Variants in VPS37A observed in about 807,000 individuals in gnomAD.
The protein encoded by VPS37A is VPS37A subunit of ESCRT-I.
In VPS37A, 30 loss-of-function variants were observed where a neutral mutation model predicts 49.8. That is an observed-to-expected ratio of 0.60 (90% CI 0.45 to 0.82). The LOEUF is 0.82. Among genes scored for constraint, VPS37A ranks in the 40% least tolerant of loss-of-function variants. VPS37A has a pLI of 0.00. For synonymous variants in VPS37A, 195 were observed against 160.6 expected, an observed-to-expected ratio of 1.21 and a Z score of -1.62; for missense variants, 593 against 464.4, an observed-to-expected ratio of 1.28 and a Z score of -2.55.
intron 11 of VPS37A, among the ~76,000 whole-genome samples, chr8:17,287,728 A>G (rs1815746182): frequency 6.6e-6 from 1 of 152,124 alleles, no homozygotes; most frequent in African/African-American, 2.4e-5. Flanking sequence ...ATTCCTGATT[A>G]TATCATCTGA....
the VPS37A span, among the ~76,000 whole-genome samples, chr8:17,320,182 G>C: frequency 6.6e-6 from 1 of 151,690 alleles, no homozygotes; most frequent in Non-Finnish European, 1.5e-5. Flanking sequence ...CTTTTAATGT[G>C]GCCACCAGAA....
rs111708334 is a variant in VPS37A, at chr8:17,265,286, A to G, written c.126-621A>G. 2.9e-3 allele frequency among the ~76,000 whole-genome samples: 443 copies of G among 152,310 alleles called. 2 individuals carry two copies. Among genetic ancestry groups the G allele is most frequent in the African/African-American group, 9.9e-3 (411 of 41,574 alleles). On this transcript the variant is annotated intron_variant, in intron 1 of 11. Transcript: ENST00000324849. ...TTTGTTCCCTTTAAGATATTTTCCT[A>G]CAATTTCTCCCTACAACTTTCCTGT...
the VPS37A span, among the ~76,000 whole-genome samples, chr8:17,315,686 C>A: frequency 1.3e-5 from 2 of 152,054 alleles, no homozygotes; most frequent in African/African-American, 2.4e-5. Context: ...TTGGCCACAA[C>A]TGCTCCAGAT....
chr8:17,283,454 C>G lies in VPS37A; in HGVS notation c.970-1019C>G, dbSNP rs186197702. On this transcript the variant is annotated intron_variant, in intron 9 of 11. Coordinates refer to ENST00000324849, the MANE Select transcript of VPS37A (RefSeq NM_152415.3). Reference sequence around the variant, plus strand: ...TACAGGCATGAGCCACCACGTCAAGCAGGATAGCTATTATTAAAAAATCAT... The same window carrying G: ...TACAGGCATGAGCCACCACGTCAAGGAGGATAGCTATTATTAAAAAATCAT... 2.2e-4 allele frequency among the ~76,000 whole-genome samples: 34 copies of G among 152,314 alleles called. No homozygotes were observed. In the South Asian group the frequency reaches 3.1e-3, roughly 14 times the overall value.
Position 17,280,178 on chromosome 8 carries a change from G to A in VPS37A, c.841+23G>A, listed in dbSNP as rs3213601. On this transcript the variant is annotated intron_variant, in intron 7 of 11. Transcript: ENST00000324849. ...CAAGTATGTTTTCCCTCTCCTGAGC[G>A]CACATTTCCTGAAAAAAATCTCATC... is the stretch of plus-strand genomic sequence containing the variant. The A allele has an allele frequency of 0.48, 767,068 of 1,610,246 alleles. 193,627 individuals carry two copies. Among genetic ancestry groups the A allele is most frequent in the Non-Finnish European group, 0.53 (620,029 of 1,178,430 alleles).
chr8:17,302,223 AACTG>A (rs781254375), downstream of VPS37A: 1 of 1,614,124 alleles, frequency 6.2e-7, no homozygotes, highest in Non-Finnish European at 8.5e-7. Flanking sequence ...GGTAATCTGT[AACTG>A]ACTGTCGGGG....
intron 10 of VPS37A, among the ~76,000 whole-genome samples, chr8:17,285,686 G>C (rs954282076): frequency 2.6e-5 from 4 of 152,074 alleles, no homozygotes; most frequent in African/African-American, 9.7e-5. Context: ...ACTTACTTAT[G>C]GTTATAGTGT....
chr8:17,332,188 C>A, the VPS37A span, among the ~76,000 whole-genome samples: 1 of 151,908 alleles, frequency 6.6e-6, no homozygotes, highest in Non-Finnish European at 1.5e-5. Context: ...AGGGCTAACC[C>A]AGGCAGAGAA....
chr8:17,275,299 A>C (rs1814417637), intron 5 of VPS37A, among the ~76,000 whole-genome samples: 1 of 152,124 alleles, frequency 6.6e-6, no homozygotes, highest in Non-Finnish European at 1.5e-5. Flanking sequence ...TATACTGATG[A>C]ATATAGTGGG....
chr8:17,331,056 T>C, the VPS37A span: 6 of 1,437,740 alleles, frequency 4.2e-6, no homozygotes, highest in Admixed American at 2.3e-5. Context: ...ATCACACCTA[T>C]GTAAAAACAT....
chr8:17,308,542 C>T, the VPS37A span, among the ~76,000 whole-genome samples: 2 of 152,164 alleles, frequency 1.3e-5, no homozygotes, highest in African/African-American at 4.8e-5. Context: ...AGTAAAACTT[C>T]TGAAAATATA....
At chr8:17,253,482 G>A (rs982159456) in intron 1 of VPS37A, among the ~76,000 whole-genome samples, 2 of 152,168 alleles carry the variant, frequency 1.3e-5, no homozygotes, top group African/African-American at 2.4e-5. Context: ...TGTGACTGGT[G>A]GAAAGATATC....
the VPS37A span, among the ~76,000 whole-genome samples, chr8:17,314,581 G>A: frequency 3.9e-5 from 6 of 152,064 alleles, no homozygotes; most frequent in South Asian, 1.0e-3. Flanking sequence ...GCAGATAAGA[G>A]GATTCACTGT....
intron 11 of VPS37A, among the ~76,000 whole-genome samples, chr8:17,289,057 G>T (rs1180075245): frequency 1.3e-5 from 2 of 152,016 alleles, no homozygotes; most frequent in South Asian, 4.1e-4. Flanking sequence ...TTTTGATAGG[G>T]TTGTATTTTT....
the VPS37A span, among the ~76,000 whole-genome samples, chr8:17,317,736 T>C: frequency 6.6e-6 from 1 of 152,324 alleles, no homozygotes; most frequent in East Asian, 1.9e-4. Flanking sequence ...AGAGATTGTC[T>C]AAGGATCTGC....
intron 9 of VPS37A, among the ~76,000 whole-genome samples, chr8:17,282,087 A>G (rs901722347): frequency 1.3e-5 from 2 of 152,044 alleles, no homozygotes; most frequent in African/African-American, 4.8e-5. Context: ...GTAGTCAGGA[A>G]GAGCTTGAAC....
At chr8:17,266,803 T>G (rs1813504188) in intron 2 of VPS37A, among the ~76,000 whole-genome samples, 1 of 152,148 alleles carries the variant, frequency 6.6e-6, no homozygotes, top group South Asian at 2.1e-4. Context: ...AGACGGAGCC[T>G]CCCTCTGTCG....
chr8:17,327,033 A>T, the VPS37A span, among the ~76,000 whole-genome samples: 3 of 152,212 alleles, frequency 2.0e-5, no homozygotes, highest in East Asian at 5.8e-4. Context: ...CATATGATTT[A>T]CTGTATAGTG....
intron 7 of VPS37A, 42 bp downstream of exon 7, chr8:17,280,197 T>A: frequency 1.2e-6 from 2 of 1,610,910 alleles, no homozygotes; most frequent in Non-Finnish European, 1.7e-6. Flanking sequence ...CTGAAAAAAA[T>A]CTCATCTTTA....
Sources: allele counts gnomAD v4.1 joint callset (sites outside exome capture counted in the v4.1 genomes callset), GRCh38; gene constraint gnomAD v4.1.1; transcripts MANE v1.5; gene names NCBI Gene and HGNC (gene_info 2026-07-23, HGNC 2026-07-21).